Variants in CRTAC1 observed in about 807,000 individuals in gnomAD.
CRTAC1 encodes the protein acidic secreted protein in cartilage.
CRTAC1 carries 37 observed loss-of-function variants against 67.8 expected under a neutral mutation model. That is an observed-to-expected ratio of 0.55 (90% confidence interval 0.42 to 0.72). CRTAC1 has a LOEUF of 0.72. Among genes scored for constraint, CRTAC1 ranks in the 30% least tolerant of loss-of-function variants. The pLI is 0.00. For missense variants in CRTAC1, 780 were observed against 931.6 expected, an observed-to-expected ratio of 0.84 and a Z score of 2.12; for synonymous variants, 348 against 371.0, an observed-to-expected ratio of 0.94 and a Z score of 0.71.
intron 14 of CRTAC1, among the ~76,000 whole-genome samples, chr10:97,876,352 T>C (rs2050147523): frequency 6.6e-6 from 1 of 152,116 alleles, no homozygotes; most frequent in Non-Finnish European, 1.5e-5. Context: ...TTGTAAAGAG[T>C]TTAGATTCAA....
In CRTAC1 at chr10:97,974,034, C is replaced by A. The variant is rs993848508; in HGVS notation, c.224+37104G>T. Reference sequence around the variant, plus strand: ...ACTGCCCTACACATTCTCCGGTGACCTCATCTACTTTTGATTTTAAGATAA... The same window carrying A: ...ACTGCCCTACACATTCTCCGGTGACATCATCTACTTTTGATTTTAAGATAA... On this transcript the variant is annotated intron_variant, in intron 2 of 14. Coordinates refer to ENST00000370597, the MANE Select transcript of CRTAC1 (RefSeq NM_018058.7). Among the ~76,000 whole-genome samples, 49 of 150,972 alleles carry A rather than the reference C, an allele frequency of 3.2e-4. 1 individual carries two copies. Among genetic ancestry groups the A allele is most frequent in the Non-Finnish European group, 8.8e-5 (6 of 67,872 alleles).
chr10:98,009,286 G>A (rs182691973), intron 2 of CRTAC1, among the ~76,000 whole-genome samples: 23 of 152,208 alleles, frequency 1.5e-4, no homozygotes, highest in African/African-American at 5.1e-4. Flanking sequence ...CAGTAGCTAC[G>A]TGTGGCTGGT....
chr10:97,980,218 G>A (rs2051870039), intron 2 of CRTAC1, among the ~76,000 whole-genome samples: 1 of 152,230 alleles, frequency 6.6e-6, no homozygotes, highest in Non-Finnish European at 1.5e-5. Flanking sequence ...CAGGCACACA[G>A]TCGGTGCTCA....
rs1842905125 is a variant in CRTAC1, at chr10:98,011,344, C to G, written c.25-7G>C. The G allele has an allele frequency of 6.2e-7, 1 of 1,613,270 alleles. No individual in the cohort carries two copies. Among genetic ancestry groups the G allele is most frequent in the Admixed American group, 1.7e-5 (1 of 59,994 alleles). ...ACGGTAACATCCTGGACATCTGAAA[C>G]CAAAAGTGACAAATGTTACCGAAAG... On this transcript the variant is annotated splice_polypyrimidine_tract_variant and splice_region_variant and intron_variant, in intron 1 of 14. Coordinates refer to ENST00000370597, the MANE Select transcript of CRTAC1 (RefSeq NM_018058.7).
chr10:98,010,040 T>C (rs1026140596), intron 2 of CRTAC1, among the ~76,000 whole-genome samples: 17 of 149,890 alleles, frequency 1.1e-4, no homozygotes, highest in African/African-American at 3.8e-4. Flanking sequence ...CAATGCACAA[T>C]CTTTTTTTTT....
At chr10:98,012,149 G>A (rs566296780) in intron 1 of CRTAC1, among the ~76,000 whole-genome samples, 13 of 152,276 alleles carry the variant, frequency 8.5e-5, no homozygotes, top group Non-Finnish European at 1.8e-4. Context: ...AAACCATTGC[G>A]TGCGTGTTTT....
chr10:98,024,746 C>CTTTTTTTTTT (rs749919406), intron 1 of CRTAC1, among the ~76,000 whole-genome samples: 2 of 65,024 alleles, frequency 3.1e-5, no homozygotes, highest in African/African-American at 5.3e-5. Context: ...TTATATTATC[C>CTTTTTTTTTT]TTTTTTTTTT....
intron 14 of CRTAC1, among the ~76,000 whole-genome samples, chr10:97,874,759 C>A (rs1185769341): frequency 6.6e-6 from 1 of 152,164 alleles, no homozygotes; most frequent in Non-Finnish European, 1.5e-5. Flanking sequence ...GGTTCAAAGA[C>A]ACCTTACCTA....
At chr10:97,886,727 C>A (rs1480078066) in intron 11 of CRTAC1, among the ~76,000 whole-genome samples, 1 of 151,536 alleles carries the variant, frequency 6.6e-6, no homozygotes, top group Non-Finnish European at 1.5e-5. Flanking sequence ...TCACTGCAAC[C>A]TCCCCCTCCC....
chr10:97,937,577 CAATA>C (rs1309910748), intron 2 of CRTAC1, among the ~76,000 whole-genome samples: 1 of 152,172 alleles, frequency 6.6e-6, no homozygotes, highest in Non-Finnish European at 1.5e-5. Context: ...AATAGGTGCT[CAATA>C]AATATTTGCT....
At chr10:97,979,784 T>C (rs2051862970) in intron 2 of CRTAC1, among the ~76,000 whole-genome samples, 3 of 152,170 alleles carry the variant, frequency 2.0e-5, no homozygotes, top group Non-Finnish European at 4.4e-5. Context: ...TTGTCACCAG[T>C]ATTTTTTTTT....
At position 97,905,598 on chromosome 10, in the gene CRTAC1, G is replaced by A. The variant is rs148418549; in HGVS notation, c.851-784C>T. ...GTCCGGTTTTCCCACTATCCCTGAC[G>A]TTCCATGAGGTCAAGACTCTCTTCT... is the stretch of plus-strand genomic sequence containing the variant. On this transcript the variant is annotated intron_variant, in intron 6 of 14. Transcript: ENST00000370597. Among the ~76,000 whole-genome samples the A allele has an allele frequency of 2.3e-3, 355 of 152,336 alleles. 2 individuals carry two copies. The highest frequency in any genetic ancestry group is 8.2e-3 in the African/African-American group (342 of 41,576).
chr10:97,938,082 T>C (rs548667738), intron 2 of CRTAC1, among the ~76,000 whole-genome samples: 12 of 152,208 alleles, frequency 7.9e-5, no homozygotes, highest in East Asian at 5.8e-4. Flanking sequence ...CGGGCACCCA[T>C]AGGGTGTGAA....
At chr10:97,915,936 CA>C (rs1407306112) in intron 5 of CRTAC1, among the ~76,000 whole-genome samples, 3 of 152,132 alleles carry the variant, frequency 2.0e-5, no homozygotes, top group Non-Finnish European at 4.4e-5. Flanking sequence ...CCAGCCGGCA[CA>C]GTTGGCTGGT....
intron 2 of CRTAC1, among the ~76,000 whole-genome samples, chr10:97,971,183 A>AAC (rs1387001755): frequency 6.6e-6 from 1 of 152,260 alleles, no homozygotes; most frequent in Non-Finnish European, 1.5e-5. Context: ...TTAAAAGTCT[A>AAC]ACATATTTTT....
chr10:97,951,271 G>C (rs750920458), intron 2 of CRTAC1, among the ~76,000 whole-genome samples: 2 of 152,178 alleles, frequency 1.3e-5, no homozygotes, highest in African/African-American at 2.4e-5. Context: ...TGCAGCTAGT[G>C]GGGGTAGGAC....
chr10:97,934,175 G>A (rs2051045884), intron 3 of CRTAC1, among the ~76,000 whole-genome samples: 1 of 152,126 alleles, frequency 6.6e-6, no homozygotes, highest in Admixed American at 6.5e-5. Context: ...GAGACTTCCT[G>A]GGGACTCACC....
At chr10:98,016,900 G>A (rs1195765181) in intron 1 of CRTAC1, among the ~76,000 whole-genome samples, 10 of 149,232 alleles carry the variant, frequency 6.7e-5, no homozygotes, top group Non-Finnish European at 1.5e-4. Flanking sequence ...ATAAAGTTTT[G>A]GGGGAAAAGC....
chr10:98,029,802 C>G lies in CRTAC1; in HGVS notation c.24+647G>C, dbSNP rs543946865. ...CGGGGTCGAGGAGGACTCAGGGTTCCCCTGGAATGCCTGAAGCCGGCTTGC... is the reference window on the plus strand; with the variant it reads ...CGGGGTCGAGGAGGACTCAGGGTTCGCCTGGAATGCCTGAAGCCGGCTTGC... On this transcript the variant is annotated intron_variant, in intron 1 of 14. Transcript: ENST00000370597. This position sits in a 1 kb window ranked among gnomAD's most constrained non-coding sequence, Gnocchi z 4.7. 1.2e-4 allele frequency among the ~76,000 whole-genome samples: 19 copies of G among 152,302 alleles called. No homozygotes were observed. Among genetic ancestry groups the G allele is most frequent in the Admixed American group, 2.6e-4 (4 of 15,308 alleles).
Sources: gnomAD v4.1 joint callset for allele counts (sites outside exome capture counted in the v4.1 genomes callset) on GRCh38, gnomAD v4.1.1 for gene constraint, Gnocchi (gnomAD v3.1) non-coding constraint, MANE v1.5 for transcripts, NCBI Gene and HGNC (gene_info 2026-07-23, HGNC 2026-07-21) for gene names.